Variants in SORCS2 observed in about 807,000 individuals in gnomAD.
The protein encoded by SORCS2 is VPS10 domain-containing receptor SorCS2.
Under a neutral mutation model 141.6 loss-of-function variants are expected in SORCS2, and 100 were observed. The observed-to-expected ratio is 0.71, with a 90% confidence interval of 0.60 to 0.83. The LOEUF is 0.83. Ranked by LOEUF, SORCS2 falls within the 40% of genes least tolerant of loss-of-function variation. SORCS2 has a pLI of 0.00. For missense variants in SORCS2, 1,646 were observed against 1,560.2 expected (o/e 1.05, Z -0.93); for synonymous variants, 789 against 676.9 (o/e 1.17, Z -2.57).
rs1311890435 is a variant in SORCS2 at position 7,683,869 on chromosome 4, C to T, written c.1488+980C>T. The stretch of plus-strand genomic sequence containing the variant: ...TCTCAAAGTAGCTGGGACTCTTGCC[C>T]GCTCTCATGTGGCTACCAGGGATCC... On this transcript the variant is annotated intron_variant, in intron 10 of 26. Coordinates refer to ENST00000507866, the MANE Select transcript of SORCS2 (RefSeq NM_020777.3). 4.6e-5 allele frequency among the ~76,000 whole-genome samples: 7 copies of T among 152,200 alleles called. 1 individual carries two copies. The highest frequency in any genetic ancestry group is 3.2e-3 in the Middle Eastern group (1 of 316).
rs146340150 is a variant in SORCS2, at chr4:7,302,031, G to A, written c.481-94257G>A. ...CGCACAGGCAGCATCCCACCTGGTTGGGCAGTGGGTGGGTAGGCCAAAGTG... is the reference window on the plus strand; with the variant it reads ...CGCACAGGCAGCATCCCACCTGGTTAGGCAGTGGGTGGGTAGGCCAAAGTG... On this transcript the variant is annotated intron_variant, in intron 1 of 26. Transcript: ENST00000507866. Among the ~76,000 whole-genome samples, 374 of 152,346 alleles carry A rather than the reference G, an allele frequency of 2.5e-3. 1 individual carries two copies. Among genetic ancestry groups the A allele is most frequent in the African/African-American group, 8.7e-3 (362 of 41,590 alleles).
intron 2 of SORCS2, among the ~76,000 whole-genome samples, chr4:7,454,810 A>T (rs1228602040): frequency 1.9e-5 from 2 of 106,894 alleles, no homozygotes; most frequent in African/African-American, 4.0e-5. Flanking sequence ...TGTTGGGGTC[A>T]GGCACTGTGT....
chr4:7,232,181 C>T (rs1028356389), intron 1 of SORCS2, among the ~76,000 whole-genome samples: 3 of 152,086 alleles, frequency 2.0e-5, no homozygotes, highest in African/African-American at 7.2e-5. Context: ...CTGGGGGAAG[C>T]ATGGGCTGTG....
chr4:7,586,494 C>G (rs1057408776), intron 3 of SORCS2, among the ~76,000 whole-genome samples: 3 of 152,168 alleles, frequency 2.0e-5, no homozygotes, highest in African/African-American at 7.2e-5. Context: ...ATTCTCCCAA[C>G]AGGCCTCTAT....
chr4:7,531,144 A>G (rs1711601964), intron 2 of SORCS2, among the ~76,000 whole-genome samples: 1 of 152,218 alleles, frequency 6.6e-6, no homozygotes, highest in Non-Finnish European at 1.5e-5. Flanking sequence ...TTATTAACTA[A>G]GTGATTTCAG....
chr4:7,361,871 G>C (rs369070401), intron 1 of SORCS2, among the ~76,000 whole-genome samples: 1 of 150,234 alleles, frequency 6.7e-6, no homozygotes, highest in South Asian at 2.1e-4. Flanking sequence ...GTGTGGCCCC[G>C]GACAGGCACA....
In SORCS2 at chr4:7,193,257, C is replaced by T; in HGVS notation, c.480+131C>T. The T allele has an allele frequency of 2.5e-6, 3 of 1,197,984 alleles. No homozygotes were observed. The highest frequency in any genetic ancestry group is 3.2e-6 in the Non-Finnish European group (3 of 938,086). 74.2% of individuals were successfully genotyped at this position (1,197,984 alleles called of 1,614,324 possible). A position where few individuals can be genotyped will look rare whatever the true frequency, so the allele number is the denominator to read the frequency against. On this transcript the variant is annotated intron_variant, in intron 1 of 26. Transcript: ENST00000507866. The surrounding 1 kb of genome is among the most constrained non-coding windows in gnomAD (Gnocchi z 4.8). Reference sequence around the variant, plus strand: ...GGGCGGGTTCTTGGCGACTTGGGCACTTGGGTCACCTCGGCCGCGCCCCTA... The same window carrying T: ...GGGCGGGTTCTTGGCGACTTGGGCATTTGGGTCACCTCGGCCGCGCCCCTA...
intron 1 of SORCS2, among the ~76,000 whole-genome samples, chr4:7,343,454 T>G (rs1219663898): frequency 6.6e-6 from 1 of 152,238 alleles, no homozygotes; most frequent in Non-Finnish European, 1.5e-5. Context: ...GCAGGCTTGG[T>G]GCAGGTGACG....
At chr4:7,345,919 T>A (rs1415361509) in intron 1 of SORCS2, among the ~76,000 whole-genome samples, 1 of 152,206 alleles carries the variant, frequency 6.6e-6, no homozygotes, top group Non-Finnish European at 1.5e-5. Flanking sequence ...TCATCTGCCA[T>A]CTTGTCTCTG....
In SORCS2 at chr4:7,631,051, T is replaced by C. The variant is rs868634803; in HGVS notation, c.649-7277T>C. ...GATGCTGTTTGTTTTCCTTTTCTTTTTTTTTTTTTTTTTTTAACTTGGAGA... is the reference window on the plus strand; with the variant it reads ...GATGCTGTTTGTTTTCCTTTTCTTTCTTTTTTTTTTTTTTTAACTTGGAGA... On this transcript the variant is annotated intron_variant, in intron 3 of 26. Transcript: ENST00000507866. Among the ~76,000 whole-genome samples the C allele has an allele frequency of 5.2e-3, 402 of 77,182 alleles. 2 individuals carry two copies. The highest frequency in any genetic ancestry group is 8.4e-3 in the Non-Finnish European group (266 of 31,684). 50.6% of individuals were successfully genotyped at this position (77,182 alleles called of 152,430 possible). A position where few individuals can be genotyped will look rare whatever the true frequency, so the allele number is the denominator to read the frequency against.
intron 11 of SORCS2, among the ~76,000 whole-genome samples, chr4:7,694,405 G>A (rs192176617): frequency 5.5e-4 from 84 of 152,258 alleles, no homozygotes; most frequent in African/African-American, 1.6e-3. Flanking sequence ...AACGTGTTCC[G>A]TGAATCGCTC....
chr4:7,629,497 G>A (rs1719737956), intron 3 of SORCS2, among the ~76,000 whole-genome samples: 1 of 152,000 alleles, frequency 6.6e-6, no homozygotes, highest in South Asian at 2.1e-4. Context: ...GGAAGGCCAA[G>A]CTCTCTCCTC....
At chr4:7,736,313 A>G (rs1712163376) in intron 25 of SORCS2, among the ~76,000 whole-genome samples, 2 of 152,204 alleles carry the variant, frequency 1.3e-5, no homozygotes, top group South Asian at 2.1e-4. Context: ...TGCAGCTTAT[A>G]GGTGATACTG....
At chr4:7,456,477 A>AGG (rs879877827) in intron 2 of SORCS2, among the ~76,000 whole-genome samples, 4 of 149,648 alleles carry the variant, frequency 2.7e-5, no homozygotes, top group Non-Finnish European at 4.4e-5. Flanking sequence ...CTGAAGGGTG[A>AGG]GAGGGGGGGG....
chr4:7,525,732 C>G, intron 2 of SORCS2, among the ~76,000 whole-genome samples: 1 of 113,560 alleles, frequency 8.8e-6, no homozygotes, highest in East Asian at 2.7e-4. Flanking sequence ...GTCACCTGTC[C>G]CCTCCTGCAG....
At chr4:7,559,318 G>A (rs1714361733) in intron 3 of SORCS2, among the ~76,000 whole-genome samples, 4 of 152,178 alleles carry the variant, frequency 2.6e-5, no homozygotes. Flanking sequence ...TCTCGAGCCT[G>A]GCCCAGCTCT....
chr4:7,314,223 C>T (rs1042022295), intron 1 of SORCS2, among the ~76,000 whole-genome samples: 5 of 152,186 alleles, frequency 3.3e-5, no homozygotes, highest in Non-Finnish European at 5.9e-5. Context: ...CTCTCAAGCT[C>T]CACTCCTCAG....
At chr4:7,293,662 C>T (rs898106983) in intron 1 of SORCS2, among the ~76,000 whole-genome samples, 1 of 152,186 alleles carries the variant, frequency 6.6e-6, no homozygotes, top group Non-Finnish European at 1.5e-5. Context: ...ATGGCATAGA[C>T]AGGTGGGCTG....
At chr4:7,593,636 C>G (rs560014640) in intron 3 of SORCS2, among the ~76,000 whole-genome samples, 5 of 151,948 alleles carry the variant, frequency 3.3e-5, no homozygotes, top group South Asian at 2.1e-4. Context: ...AGAGCCCAGC[C>G]GAAACCTGGC....
Sources: allele counts gnomAD v4.1 joint callset (sites outside exome capture counted in the v4.1 genomes callset), GRCh38; gene constraint gnomAD v4.1.1; non-coding constraint Gnocchi (gnomAD v3.1); transcripts MANE v1.5; gene names NCBI Gene and HGNC (gene_info 2026-07-23, HGNC 2026-07-21).